The following CFAP96 variants were observed in gnomAD, a reference collection of about 807,000 sequenced individuals.
CFAP96 encodes the protein cilia-and flagella-associated protein 96.
chr4:185,412,436 A>AT, the CFAP96 span, among the ~76,000 whole-genome samples: 165 of 152,154 alleles, frequency 1.1e-3, 1 homozygote, highest in African/African-American at 3.9e-3. Flanking sequence ...TCGTATATGC[A>AT]TTTTTTTAAT....
At chr4:185,436,066 A>G in the CFAP96 span, 1 of 1,548,100 alleles carries the variant, frequency 6.5e-7, no homozygotes. Context: ...GGAAGCTACT[A>G]TGGAACAATA....
At chr4:185,426,075 TG>T in the CFAP96 span, 3 of 611,524 alleles carry the variant, frequency 4.9e-6, no homozygotes, top group African/African-American at 1.9e-5. Flanking sequence ...CGAAGACTTA[TG>T]TTTGGTAAAT....
chr4:185,431,653 C>T, the CFAP96 span, among the ~76,000 whole-genome samples: 5 of 152,328 alleles, frequency 3.3e-5, no homozygotes, highest in South Asian at 4.1e-4. Flanking sequence ...ATGACCTACG[C>T]GCACACCCTT....
the CFAP96 span, among the ~76,000 whole-genome samples, chr4:185,440,286 C>T: frequency 1.3e-5 from 2 of 152,014 alleles, no homozygotes; most frequent in African/African-American, 2.4e-5. Context: ...AATATAGATT[C>T]GTTCAGGTGA....
chr4:185,447,352 T>C, the CFAP96 span, among the ~76,000 whole-genome samples: 4 of 152,206 alleles, frequency 2.6e-5, no homozygotes, highest in African/African-American at 7.2e-5. Context: ...CGGCTAATTT[T>C]TGTATTTTTA....
chr4:185,446,988 C>T, the CFAP96 span, among the ~76,000 whole-genome samples: 1 of 152,090 alleles, frequency 6.6e-6, no homozygotes, highest in Non-Finnish European at 1.5e-5. Flanking sequence ...TACTCTACTA[C>T]ATTGCTGGTA....
chr4:185,436,266 C>T, the CFAP96 span: 4 of 1,548,546 alleles, frequency 2.6e-6, no homozygotes, highest in African/African-American at 5.5e-5. Flanking sequence ...GTCACCATTA[C>T]TTACTTTGCT....
At chr4:185,418,520 T>C in the CFAP96 span, 1 of 1,609,624 alleles carries the variant, frequency 6.2e-7, no homozygotes, top group Non-Finnish European at 8.5e-7. Context: ...AAATTTTTAA[T>C]ACACAGACAT....
the CFAP96 span, among the ~76,000 whole-genome samples, chr4:185,434,308 G>A: frequency 6.6e-6 from 1 of 152,014 alleles, no homozygotes; most frequent in Non-Finnish European, 1.5e-5. Flanking sequence ...GGATAGATTT[G>A]AATTATTTAT....
chr4:185,416,052 A>G, the CFAP96 span: 3 of 445,314 alleles, frequency 6.7e-6, no homozygotes, highest in Non-Finnish European at 1.2e-5. Context: ...GCTGTGAATG[A>G]TCAACTGAGA....
At chr4:185,431,367 T>C in the CFAP96 span, among the ~76,000 whole-genome samples, 1 of 152,232 alleles carries the variant, frequency 6.6e-6, no homozygotes, top group South Asian at 2.1e-4. Flanking sequence ...TCTAAATACT[T>C]ATTAAAACAG....
chr4:185,445,329 C>A, the CFAP96 span: 1 of 718,774 alleles, frequency 1.4e-6, no homozygotes, highest in Non-Finnish European at 2.2e-6. Flanking sequence ...AAATTCCCAG[C>A]TGAGAAAGCT....
chr4:185,443,238 T>C, the CFAP96 span, among the ~76,000 whole-genome samples: 1 of 150,154 alleles, frequency 6.7e-6, no homozygotes, highest in Non-Finnish European at 1.5e-5. Flanking sequence ...CTCTTTTTGG[T>C]CAATGTAGAT....
chr4:185,409,093 G>GT, the CFAP96 span, among the ~76,000 whole-genome samples: 1 of 152,004 alleles, frequency 6.6e-6, no homozygotes, highest in Admixed American at 6.6e-5. Context: ...CTGGCACACG[G>GT]TTAATATAAA....
At chr4:185,422,542 T>C in the CFAP96 span, 6 of 1,609,282 alleles carry the variant, frequency 3.7e-6, no homozygotes, top group Non-Finnish European at 5.1e-6. Flanking sequence ...CTGAAGAGTA[T>C]ATCCATACTT....
At chr4:185,412,661 A>G in the CFAP96 span, among the ~76,000 whole-genome samples, 1 of 152,174 alleles carries the variant, frequency 6.6e-6, no homozygotes, top group Non-Finnish European at 1.5e-5. Flanking sequence ...GTGAGGATAC[A>G]GAGGGTATGA....
chr4:185,411,675 A>AGAGG, the CFAP96 span, among the ~76,000 whole-genome samples: 1 of 152,214 alleles, frequency 6.6e-6, no homozygotes, highest in South Asian at 2.1e-4. Context: ...GGGGGAAAAA[A>AGAGG]GAGGGAGAAA....
the CFAP96 span, chr4:185,436,316 C>T: frequency 1.9e-6 from 3 of 1,551,092 alleles, no homozygotes; most frequent in South Asian, 3.6e-5. Flanking sequence ...AAACAGTTTT[C>T]ACACTCTGCC....
the CFAP96 span, among the ~76,000 whole-genome samples, chr4:185,411,985 A>G: frequency 6.6e-6 from 1 of 152,250 alleles, no homozygotes; most frequent in African/African-American, 2.4e-5. Context: ...GAAGGAAATG[A>G]TGAACACAAA....
Sources: allele counts gnomAD v4.1 joint callset (sites outside exome capture counted in the v4.1 genomes callset), GRCh38; gene constraint gnomAD v4.1.1; transcripts MANE v1.5; gene names NCBI Gene and HGNC (gene_info 2026-07-23, HGNC 2026-07-21).